The following FUT8 variants were observed in gnomAD, a reference collection of about 807,000 sequenced individuals.
The protein encoded by FUT8 is alpha-(1,6)-fucosyltransferase.
A neutral mutation model predicts 71.3 loss-of-function variants in FUT8; 29 were observed. The ratio of observed to expected loss-of-function variants is 0.41; its 90% CI spans 0.30 to 0.55. The LOEUF (loss-of-function observed/expected upper bound fraction) is 0.55, where lower values mean the gene tolerates loss of function less well. Ranked by LOEUF, FUT8 falls within the 20% of genes least tolerant of loss-of-function variation. The probability of loss-of-function intolerance (pLI) is 0.34; values close to 1 mark genes in which losing one functional copy is unlikely to be tolerated. For synonymous variants in FUT8, 254 were observed against 239.3 expected (o/e 1.06, Z -0.57); for missense variants, 544 against 702.1 (o/e 0.77, Z 2.55).
intron 2 of FUT8, among the ~76,000 whole-genome samples, chr14:65,532,909 T>G (rs1884053911): frequency 6.6e-6 from 1 of 152,246 alleles, no homozygotes; most frequent in African/African-American, 2.4e-5. Flanking sequence ...CTCCATTGCT[T>G]GTTTTTGTAG....
chr14:65,735,571 G>C (rs1486789425), intron 10 of FUT8, among the ~76,000 whole-genome samples: 2 of 152,040 alleles, frequency 1.3e-5, no homozygotes, highest in Non-Finnish European at 2.9e-5. Context: ...AATTAAAACA[G>C]TATTTCATAA....
At chr14:65,376,966 G>A in the FUT8 span, among the ~76,000 whole-genome samples, 1 of 152,144 alleles carries the variant, frequency 6.6e-6, no homozygotes, top group African/African-American at 2.4e-5. Context: ...GGCAATGTTA[G>A]ATTTTTATGT....
intron 7 of FUT8, among the ~76,000 whole-genome samples, chr14:65,672,742 T>G (rs1250821952): frequency 6.6e-6 from 1 of 152,234 alleles, no homozygotes; most frequent in African/African-American, 2.4e-5. Context: ...ATTATAGGTG[T>G]GAGCCACTGT....
At chr14:65,594,843 C>T (rs548575717) in intron 3 of FUT8, among the ~76,000 whole-genome samples, 1 of 152,198 alleles carries the variant, frequency 6.6e-6, no homozygotes, top group East Asian at 1.9e-4. Context: ...CCACTTCTCT[C>T]CTCTGCCGGC....
chr14:65,568,032 G>A (rs1017855518), intron 3 of FUT8, among the ~76,000 whole-genome samples: 1 of 151,654 alleles, frequency 6.6e-6, no homozygotes, highest in African/African-American at 2.4e-5. Context: ...CTTTTTGTGG[G>A]GAAGGGTGGT....
intron 3 of FUT8, among the ~76,000 whole-genome samples, chr14:65,608,549 T>C (rs1888709909): frequency 6.6e-6 from 1 of 151,940 alleles, no homozygotes; most frequent in Non-Finnish European, 1.5e-5. Context: ...TCCTTTAGAG[T>C]GGGGCTAATG....
In FUT8 at chr14:65,502,715, G is replaced by A. The variant is rs146405073; in HGVS notation, c.-228+46997G>A. Among the ~76,000 whole-genome samples the A allele has an allele frequency of 2.8e-3, 433 of 152,248 alleles. 2 individuals carry two copies. The highest frequency in any genetic ancestry group is 9.9e-3 in the African/African-American group (412 of 41,532). On this transcript the variant is annotated intron_variant, in intron 2 of 10. Coordinates refer to ENST00000673929, the MANE Select transcript of FUT8 (RefSeq NM_001371533.1). The stretch of plus-strand genomic sequence containing the variant: ...AAGTTTTAAAATTGGTTGCTTATTA[G>A]CCAAACAGTGGTCTGCAGTGGTAAC...
At chr14:65,438,343 C>A (rs1449384657) in intron 1 of FUT8, among the ~76,000 whole-genome samples, 1 of 152,146 alleles carries the variant, frequency 6.6e-6, no homozygotes, top group Non-Finnish European at 1.5e-5. Flanking sequence ...GCCCAATTGC[C>A]ACTTGCTGAA....
At chr14:65,443,269 G>T (rs1006134351) in intron 1 of FUT8, among the ~76,000 whole-genome samples, 2 of 152,076 alleles carry the variant, frequency 1.3e-5, no homozygotes, top group Admixed American at 1.3e-4. Context: ...AATTAGCCGG[G>T]CATGGTGGTG....
chr14:65,617,347 G>T (rs1012413093), intron 5 of FUT8, among the ~76,000 whole-genome samples: 1 of 152,172 alleles, frequency 6.6e-6, no homozygotes, highest in African/African-American at 2.4e-5. Flanking sequence ...TGGATTTCAA[G>T]GGGCAGTGAA....
At chr14:65,525,355 G>A (rs960242944) in intron 2 of FUT8, among the ~76,000 whole-genome samples, 1 of 152,124 alleles carries the variant, frequency 6.6e-6, no homozygotes, top group Non-Finnish European at 1.5e-5. Flanking sequence ...TTGCATAGAG[G>A]TGTTTATAGT....
intron 7 of FUT8, among the ~76,000 whole-genome samples, chr14:65,677,114 T>TTGTGTG (rs1555383258): frequency 0.069 from 7,586 of 109,890 alleles, 346 homozygotes; most frequent in East Asian, 0.089. Context: ...AAAGACATAT[T>TTGTGTG]TGTGTGTGTG....
rs1017796409 is a variant in FUT8 at position 65,412,989 on chromosome 14, C to T, written c.-551C>T. On this transcript the variant is annotated 5_prime_UTR_variant, in exon 1 of 11. Transcript: ENST00000673929. ...TCGGTCTCGCGCTGTCAGCGACTGC[C>T]CGGCTCGCGCCGCCTCGCGCTCTGC... 4.6e-5 allele frequency: 7 copies of T among 152,996 alleles called. No individual in the cohort carries two copies. The highest frequency in any genetic ancestry group is 2.0e-4 in the Admixed American group (3 of 15,300). 9.5% of individuals were successfully genotyped at this position (152,996 alleles called of 1,614,324 possible). A position where few individuals can be genotyped will look rare whatever the true frequency, so the allele number is the denominator to read the frequency against.
chr14:65,725,559 C>A (rs1895638498), intron 9 of FUT8, among the ~76,000 whole-genome samples: 1 of 152,184 alleles, frequency 6.6e-6, no homozygotes, highest in Non-Finnish European at 1.5e-5. Flanking sequence ...ATACTATCTC[C>A]TCCAGAAGTC....
chr14:65,571,570 A>G (rs566380083), intron 3 of FUT8, among the ~76,000 whole-genome samples: 23 of 152,242 alleles, frequency 1.5e-4, no homozygotes, highest in African/African-American at 5.5e-4. Flanking sequence ...GAATACAGCA[A>G]TTGGTTATGT....
rs1409160185 is a variant in FUT8, at chr14:65,487,488, G to A, written c.-228+31770G>A. Among the ~76,000 whole-genome samples the A allele has an allele frequency of 4.6e-5, 7 of 151,370 alleles. No individual in the cohort carries two copies. In the East Asian group the frequency reaches 5.8e-4, roughly 13 times the overall value. On this transcript the variant is annotated intron_variant, in intron 2 of 10. Transcript: ENST00000673929. The stretch of plus-strand genomic sequence containing the variant: ...TGAGGCAGGAGAATCACTTGAACCC[G>A]GGAGGCAGAGGTTGCAGTGAGCAGA...
At position 65,651,124 on chromosome 14, in the gene FUT8, G is replaced by A. The variant is rs1032175184; in HGVS notation, c.598-18119G>A. ...GACTGTGGGCAAAGCCCTGACCGCC[G>A]TTTCCATCCCCTAACCCTCCCAACT... On this transcript the variant is annotated intron_variant, in intron 6 of 10. Transcript: ENST00000673929. Among the ~76,000 whole-genome samples the A allele has an allele frequency of 2.6e-5, 4 of 152,146 alleles. No homozygotes were observed. The South Asian group carries it at 6.2e-4, about 24-fold the overall frequency.
intron 7 of FUT8, among the ~76,000 whole-genome samples, chr14:65,679,343 A>G (rs548311118): frequency 3.0e-4 from 45 of 152,348 alleles, no homozygotes; most frequent in African/African-American, 1.1e-3. Flanking sequence ...AGACATTAGA[A>G]TCTATACAGC....
intron 2 of FUT8, among the ~76,000 whole-genome samples, chr14:65,475,461 A>G (rs1465556764): frequency 2.6e-5 from 4 of 152,156 alleles, no homozygotes; most frequent in African/African-American, 9.7e-5. Context: ...GCATAACATT[A>G]AAAGTGTCAG....
Sources: allele counts gnomAD v4.1 joint callset (sites outside exome capture counted in the v4.1 genomes callset), GRCh38; gene constraint gnomAD v4.1.1; transcripts MANE v1.5; gene names NCBI Gene and HGNC (gene_info 2026-07-23, HGNC 2026-07-21).